The following ADAP1 variants were observed in gnomAD, a reference collection of about 807,000 sequenced individuals.
ADAP1 encodes arf-GAP with dual PH domain-containing protein 1.
A neutral mutation model predicts 54.9 loss-of-function variants in ADAP1; 31 were observed. That is an observed-to-expected ratio of 0.56 (90% CI 0.42 to 0.76). The LOEUF (loss-of-function observed/expected upper bound fraction) is 0.76, where lower values mean the gene tolerates loss of function less well. Ranked by LOEUF, ADAP1 falls within the 30% of genes least tolerant of loss-of-function variation. ADAP1 has a pLI of 0.00. For missense variants in ADAP1, 535 were observed against 512.4 expected, an observed-to-expected ratio of 1.04 and a Z score of -0.42; for synonymous variants, 313 against 202.6, an observed-to-expected ratio of 1.55 and a Z score of -4.63.
intron 6 of ADAP1, chr7:901,168 G>A (rs941011159): frequency 2.6e-6 from 1 of 383,130 alleles, no homozygotes; most frequent in South Asian, 1.9e-5. Context: ...GGGTGGGCCA[G>A]CACCCTGGAA....
intron 4 of ADAP1, 129 bp from the exon 5 acceptor site, chr7:905,301 G>GCC (rs1845075456): frequency 6.1e-6 from 3 of 491,212 alleles, no homozygotes; most frequent in Non-Finnish European, 1.1e-5. Flanking sequence ...ACACGGACAG[G>GCC]GGGAGACGGA....
chr7:951,435 C>G (rs1038866283), intron 1 of ADAP1, among the ~76,000 whole-genome samples: 1 of 151,876 alleles, frequency 6.6e-6, no homozygotes, highest in Non-Finnish European at 1.5e-5. Context: ...GGGAGTCTGC[C>G]CAGCCCCCGC....
rs1034529824 is a variant in ADAP1 at position 945,614 on chromosome 7, T to G, written c.82+8782A>C. On this transcript the variant is annotated intron_variant, in intron 1 of 10. Coordinates refer to ENST00000265846, the MANE Select transcript of ADAP1 (RefSeq NM_006869.4). The surrounding 1 kb of genome is among the most constrained non-coding windows in gnomAD (Gnocchi z 4.2). Reference sequence around the variant, plus strand: ...TGGTGGTGGAGATGGAGGCCCTGAGTGCCAGGTAGGGAGGGGCAGGCCCAA... The same window carrying G: ...TGGTGGTGGAGATGGAGGCCCTGAGGGCCAGGTAGGGAGGGGCAGGCCCAA... The G allele has an allele frequency of 6.3e-5, 29 of 462,188 alleles. No individual in the cohort carries two copies. Among genetic ancestry groups the G allele is most frequent in the Non-Finnish European group, 7.7e-5 (27 of 351,906 alleles). The allele number at this position is 462,188 out of a possible 1,614,324, so 28.6% of individuals were successfully genotyped here. A position where few individuals can be genotyped will look rare whatever the true frequency, so the allele number is the denominator to read the frequency against.
chr7:911,577 C>A (rs1845725048), intron 4 of ADAP1, among the ~76,000 whole-genome samples: 1 of 146,468 alleles, frequency 6.8e-6, no homozygotes, highest in Admixed American at 6.7e-5. Context: ...GGGCGGGGGT[C>A]CCACGGAGGG....
At chr7:922,063 C>T (rs1881117) in intron 3 of ADAP1, among the ~76,000 whole-genome samples, 52,989 of 152,126 alleles carry the variant, frequency 0.35, 10,346 homozygotes, top group Middle Eastern at 0.51. Context: ...CCATCCTGCC[C>T]AGCGGAGCCC....
rs993634932 is a variant in ADAP1, at chr7:902,477, A to AAAAG, written c.648+1645_648+1648dup. 3.1e-3 allele frequency among the ~76,000 whole-genome samples: 446 copies of AAAAG among 142,560 alleles called. 11 individuals carry two copies. Among genetic ancestry groups the AAAAG allele is most frequent in the African/African-American group, 0.011 (417 of 37,170 alleles). 93.5% of individuals were successfully genotyped at this position (142,560 alleles called of 152,430 possible). On this transcript the variant is annotated intron_variant, in intron 6 of 10. Transcript: ENST00000265846. ...CTGCCTCAAAAAAAAAAAAAGAAAG[A>AAAAG]AAAGAAAGAAAGAAAAATAAATACT...
At chr7:905,554 G>C (rs1845164689) in intron 4 of ADAP1, 6 of 26,064 alleles carry the variant, frequency 2.3e-4, no homozygotes, top group African/African-American at 7.2e-4. Context: ...GGAGAAGGGA[G>C]AAAGGAGAAA....
At chr7:925,992 C>G (rs1042825723) in intron 3 of ADAP1, among the ~76,000 whole-genome samples, 34 of 152,178 alleles carry the variant, frequency 2.2e-4, no homozygotes, top group Non-Finnish European at 4.3e-4. Context: ...GTGGTTGTCA[C>G]CTCTCATTCC....
chr7:950,570 G>T (rs1248980602), intron 1 of ADAP1, among the ~76,000 whole-genome samples: 1 of 151,556 alleles, frequency 6.6e-6, no homozygotes, highest in Non-Finnish European at 1.5e-5. Flanking sequence ...GAGACAGAAA[G>T]TTGAGGCCAG....
chr7:952,801 C>T (rs1485832909), intron 1 of ADAP1, among the ~76,000 whole-genome samples: 1 of 152,204 alleles, frequency 6.6e-6, no homozygotes. Flanking sequence ...GTGCGGCCCT[C>T]TACCCGGCAG....
At chr7:905,359 G>GGAAAGGAGAAAGGAGAAAGGGAAAGGA (rs1329286701) in intron 4 of ADAP1, 187 bp from the exon 5 acceptor site, 1 of 151,158 alleles carries the variant, frequency 6.6e-6, no homozygotes, top group Non-Finnish European at 1.1e-5. Context: ...AGATGGGCAG[G>GGAAAGGAGAAAGGAGAAAGGGAAAGGA]GAAAGGGAAA....
At chr7:903,334 A>G (rs1052414451) in intron 6 of ADAP1, among the ~76,000 whole-genome samples, 1 of 152,108 alleles carries the variant, frequency 6.6e-6, no homozygotes, top group African/African-American at 2.4e-5. Context: ...TGGAACCTCT[A>G]CTTCCACGTG....
At chr7:923,560 A>G (rs1298805581) in intron 3 of ADAP1, among the ~76,000 whole-genome samples, 1 of 152,016 alleles carries the variant, frequency 6.6e-6, no homozygotes, top group Non-Finnish European at 1.5e-5. Context: ...GAAGATAAAG[A>G]GGGCACACGA....
At chr7:934,329 A>G (rs1846679067) in intron 2 of ADAP1, among the ~76,000 whole-genome samples, 1 of 141,128 alleles carries the variant, frequency 7.1e-6, no homozygotes, top group Admixed American at 7.2e-5. Flanking sequence ...GTGGTGCTGG[A>G]GAACCAGGGG....
chr7:941,725 A>G (rs1019502664), intron 1 of ADAP1, among the ~76,000 whole-genome samples: 2 of 152,212 alleles, frequency 1.3e-5, no homozygotes, highest in Non-Finnish European at 2.9e-5. Flanking sequence ...ATTCTCTCCA[A>G]ATTATAGATT....
rs113534965 is a variant in ADAP1, at chr7:911,323, TCA to T, written c.389-6153_389-6152del. On this transcript the variant is annotated intron_variant, in intron 4 of 10. Transcript: ENST00000265846. ...GAGACCCCCCCACTCACACACGGGT[TCA>T]CAGTTTCCACAGCGCCTTCCTGCCC... Among the ~76,000 whole-genome samples the T allele has an allele frequency of 6.1e-3, 927 of 152,162 alleles. 13 individuals carry two copies. The highest frequency in any genetic ancestry group is 0.021 in the African/African-American group (882 of 41,500).
chr7:910,186 C>T (rs1050954095), intron 4 of ADAP1, among the ~76,000 whole-genome samples: 5 of 152,162 alleles, frequency 3.3e-5, no homozygotes, highest in African/African-American at 1.2e-4. Flanking sequence ...CACAGTGAAG[C>T]GCGCACATCA....
At chr7:939,891 T>C (rs1414540403) in intron 1 of ADAP1, among the ~76,000 whole-genome samples, 1 of 150,544 alleles carries the variant, frequency 6.6e-6, no homozygotes, top group Non-Finnish European at 1.5e-5. Context: ...GTGGCACAGA[T>C]GAGTGAGCCC....
intron 1 of ADAP1, among the ~76,000 whole-genome samples, chr7:949,171 G>A (rs1345744173): frequency 6.6e-6 from 1 of 152,358 alleles, no homozygotes; most frequent in Middle Eastern, 3.4e-3. Flanking sequence ...ACATGTGTAC[G>A]GAGCGGGGGA....
Sources: allele counts gnomAD v4.1 joint callset (sites outside exome capture counted in the v4.1 genomes callset), GRCh38; gene constraint gnomAD v4.1.1; non-coding constraint Gnocchi (gnomAD v3.1); transcripts MANE v1.5; gene names NCBI Gene and HGNC (gene_info 2026-07-23, HGNC 2026-07-21).